The following GRIK2 variants were observed in gnomAD, a reference collection of about 807,000 sequenced individuals.
GRIK2 encodes the protein glutamate receptor ionotropic, kainate 2.
A neutral mutation model predicts 100.3 loss-of-function variants in GRIK2; 32 were observed. That is an observed-to-expected ratio of 0.32 (90% CI 0.24 to 0.43). The LOEUF is 0.43. GRIK2 is among the 20% of genes least tolerant of loss of function. The pLI is 1.00. For synonymous variants in GRIK2, 417 were observed against 389.4 expected (o/e 1.07, Z -0.83); for missense variants, 843 against 1,114.9 (o/e 0.76, Z 3.47).
intron 11 of GRIK2, among the ~76,000 whole-genome samples, chr6:101,865,322 C>T (rs1264900026): frequency 6.6e-6 from 1 of 152,330 alleles, no homozygotes; most frequent in East Asian, 1.9e-4. Flanking sequence ...ATTATCAAGC[C>T]TTTTATGATT....
At chr6:101,541,377 C>CG (rs1775979549) in intron 2 of GRIK2, among the ~76,000 whole-genome samples, 4 of 145,234 alleles carry the variant, frequency 2.8e-5, no homozygotes, top group Non-Finnish European at 6.0e-5. Flanking sequence ...CGCACACAAC[C>CG]ACACACACAC....
intron 16 of GRIK2, among the ~76,000 whole-genome samples, chr6:102,062,222 A>G (rs910924395): frequency 2.0e-5 from 3 of 150,554 alleles, no homozygotes; most frequent in African/African-American, 7.3e-5. Context: ...AAAGCATAAC[A>G]TGATTTATAA....
chr6:101,996,253 A>C (rs898117690), intron 14 of GRIK2, among the ~76,000 whole-genome samples: 1 of 151,988 alleles, frequency 6.6e-6, no homozygotes, highest in Non-Finnish European at 1.5e-5. Flanking sequence ...TTTTGATCTC[A>C]TTTCCTGTTT....
At chr6:101,748,139 A>G (rs1192055135) in intron 7 of GRIK2, among the ~76,000 whole-genome samples, 1 of 152,224 alleles carries the variant, frequency 6.6e-6, no homozygotes, top group East Asian at 1.9e-4. Context: ...GATGTTAAAA[A>G]TGGAAAGTAC....
chr6:101,438,657 A>C (rs1274939912), intron 2 of GRIK2, among the ~76,000 whole-genome samples: 4 of 152,182 alleles, frequency 2.6e-5, no homozygotes, highest in Non-Finnish European at 5.9e-5. Flanking sequence ...TGATTAATAA[A>C]TGCGTGAAAT....
intron 11 of GRIK2, among the ~76,000 whole-genome samples, chr6:101,860,035 A>G (rs1784647454): frequency 6.6e-6 from 1 of 152,010 alleles, no homozygotes; most frequent in Admixed American, 6.6e-5. Flanking sequence ...TTATTTTAGA[A>G]ATAACATGTT....
At chr6:101,652,447 T>C (rs1484406160) in intron 4 of GRIK2, among the ~76,000 whole-genome samples, 1 of 152,118 alleles carries the variant, frequency 6.6e-6, no homozygotes, top group Non-Finnish European at 1.5e-5. Flanking sequence ...GTAGGAAATA[T>C]CTGTTGTGTA....
Position 101,801,241 on chromosome 6 carries a change from A to G in GRIK2, c.1096-1090A>G, listed in dbSNP as rs141556088. On this transcript the variant is annotated intron_variant, in intron 8 of 16. Coordinates refer to ENST00000369134, the MANE Select transcript of GRIK2 (RefSeq NM_021956.5). ...TGATCTTTTTGTTTACTTTTATACT[A>G]TTGTCCATTTTGGTTAGTCACTTGA... is the stretch of plus-strand genomic sequence containing the variant. Among the ~76,000 whole-genome samples, 1,140 of 151,960 alleles carry G rather than the reference A, an allele frequency of 7.5e-3. 7 individuals carry two copies. Among genetic ancestry groups the G allele is most frequent in the Non-Finnish European group, 9.8e-3 (664 of 67,934 alleles).
At chr6:101,884,025 G>A (rs1786446585) in intron 11 of GRIK2, among the ~76,000 whole-genome samples, 1 of 152,134 alleles carries the variant, frequency 6.6e-6, no homozygotes, top group African/African-American at 2.4e-5. Flanking sequence ...TAGGGGACCA[G>A]TTGGAGTCCA....
chr6:101,829,414 G>T (rs1415850095), intron 10 of GRIK2, among the ~76,000 whole-genome samples: 1 of 151,856 alleles, frequency 6.6e-6, no homozygotes, highest in Non-Finnish European at 1.5e-5. Flanking sequence ...GCAACAGAAA[G>T]AAATAAAAGG....
chr6:101,911,316 C>T (rs113886753), intron 12 of GRIK2, among the ~76,000 whole-genome samples: 4 of 151,500 alleles, frequency 2.6e-5, no homozygotes, highest in East Asian at 1.9e-4. Context: ...TTACATGAAT[C>T]AGTCAAATGA....
Position 101,885,945 on chromosome 6 carries a change from TTC to T in GRIK2, c.1525-3689_1525-3688del, listed in dbSNP as rs544398007. 2.0e-5 allele frequency among the ~76,000 whole-genome samples: 3 copies of T among 152,144 alleles called. No homozygotes were observed. The South Asian group carries it at 6.2e-4, about 32-fold the overall frequency. Reference sequence around the variant, plus strand: ...TTAAAGTCCATAGTTTACATTAGAGTTCTCTCTTTGTGTTGTACAATTTTAAT... The same window carrying T: ...TTAAAGTCCATAGTTTACATTAGAGTTCTCTTTGTGTTGTACAATTTTAAT... On this transcript the variant is annotated intron_variant, in intron 11 of 16. Coordinates refer to ENST00000369134, the MANE Select transcript of GRIK2 (RefSeq NM_021956.5).
At chr6:101,946,348 C>A (rs1791275101) in intron 14 of GRIK2, among the ~76,000 whole-genome samples, 1 of 151,724 alleles carries the variant, frequency 6.6e-6, no homozygotes, top group Admixed American at 6.6e-5. Context: ...TAAGCCTGGG[C>A]AACAACCCCC....
chr6:101,410,575 C>A (rs749360187), intron 2 of GRIK2, among the ~76,000 whole-genome samples: 2 of 152,116 alleles, frequency 1.3e-5, no homozygotes, highest in East Asian at 3.9e-4. Flanking sequence ...TAGGGAGAGA[C>A]AAGAGAGGAC....
At chr6:101,565,915 T>TTATA (rs71797313) in intron 2 of GRIK2, among the ~76,000 whole-genome samples, 1,262 of 122,862 alleles carry the variant, frequency 0.01, 31 homozygotes, top group East Asian at 0.022. Flanking sequence ...TATACCTATT[T>TTATA]TATATATATA....
intron 6 of GRIK2, among the ~76,000 whole-genome samples, chr6:101,685,806 A>AT (rs1771640195): frequency 6.6e-6 from 1 of 152,158 alleles, no homozygotes; most frequent in South Asian, 2.1e-4. Context: ...AAAAACAGCA[A>AT]TAACCAGGCG....
chr6:101,666,989 C>A (rs1770078637), intron 4 of GRIK2, among the ~76,000 whole-genome samples: 1 of 152,118 alleles, frequency 6.6e-6, no homozygotes, highest in South Asian at 2.1e-4. Context: ...TTATTATTAT[C>A]AAATGCTTAT....
At chr6:101,830,473 C>G (rs139097780) in intron 10 of GRIK2, among the ~76,000 whole-genome samples, 2 of 151,806 alleles carry the variant, frequency 1.3e-5, no homozygotes, top group East Asian at 3.9e-4. Context: ...AACTATGCAT[C>G]CAACAAAAGA....
chr6:101,965,895 GAT>G (rs1452508904), intron 14 of GRIK2, among the ~76,000 whole-genome samples: 1 of 151,984 alleles, frequency 6.6e-6, no homozygotes. Flanking sequence ...AATAATAACT[GAT>G]ATGTTTCCCT....
Sources: allele counts gnomAD v4.1 joint callset (sites outside exome capture counted in the v4.1 genomes callset), GRCh38; gene constraint gnomAD v4.1.1; transcripts MANE v1.5; gene names NCBI Gene and HGNC (gene_info 2026-07-23, HGNC 2026-07-21).